Variants in KCNIP1 observed in about 807,000 individuals in gnomAD.
KCNIP1 encodes A-type potassium channel modulatory protein KCNIP1.
In KCNIP1, 18 loss-of-function variants were observed where a neutral mutation model predicts 33.0. The ratio of observed to expected loss-of-function variants is 0.55; its 90% confidence interval spans 0.38 to 0.81. The LOEUF (loss-of-function observed/expected upper bound fraction) is 0.81, where lower values mean the gene tolerates loss of function less well. KCNIP1 is among the 30% of genes least tolerant of loss of function. The pLI is 0.00. For synonymous variants in KCNIP1, 93 were observed against 98.3 expected (o/e 0.95, Z 0.32); for missense variants, 238 against 271.6 (o/e 0.88, Z 0.87).
At chr5:170,509,913 C>G (rs984984442) in intron 1 of KCNIP1, among the ~76,000 whole-genome samples, 1 of 152,216 alleles carries the variant, frequency 6.6e-6, no homozygotes, top group African/African-American at 2.4e-5. Flanking sequence ...AGTGATTCCC[C>G]TTGTCTTCCC....
chr5:170,456,351 C>T (rs996609778), intron 1 of KCNIP1, among the ~76,000 whole-genome samples: 1 of 151,958 alleles, frequency 6.6e-6, no homozygotes, highest in African/African-American at 2.4e-5. Flanking sequence ...GGACAAATAC[C>T]TCATGCATAT....
chr5:170,410,813 T>C (rs1214765411), intron 1 of KCNIP1, among the ~76,000 whole-genome samples: 1 of 151,830 alleles, frequency 6.6e-6, no homozygotes, highest in Non-Finnish European at 1.5e-5. Context: ...GTCAGAAGAG[T>C]TGTGAGGTTG....
chr5:170,527,604 T>G (rs1229528779), intron 1 of KCNIP1, among the ~76,000 whole-genome samples: 1 of 151,698 alleles, frequency 6.6e-6, no homozygotes, highest in Non-Finnish European at 1.5e-5. Context: ...ACATTGGCCT[T>G]TTAAGCTAGT....
intron 1 of KCNIP1, among the ~76,000 whole-genome samples, chr5:170,605,557 C>G (rs941295197): frequency 6.6e-6 from 1 of 152,148 alleles, no homozygotes; most frequent in Non-Finnish European, 1.5e-5. Flanking sequence ...AGATGGAAGC[C>G]CCGTATTCAC....
intron 1 of KCNIP1, among the ~76,000 whole-genome samples, chr5:170,648,678 A>G (rs1760890794): frequency 6.6e-6 from 1 of 152,234 alleles, no homozygotes. Context: ...TGCTACTACA[A>G]TGGTAGACAT....
chr5:170,689,640 G>A (rs951103205), intron 1 of KCNIP1, among the ~76,000 whole-genome samples: 2 of 152,194 alleles, frequency 1.3e-5, no homozygotes, highest in Non-Finnish European at 2.9e-5. Flanking sequence ...ATGTATAGCA[G>A]CTATAGAGGC....
chr5:170,691,268 G>T (rs1437451079), intron 1 of KCNIP1, among the ~76,000 whole-genome samples: 1 of 152,172 alleles, frequency 6.6e-6, no homozygotes, highest in Non-Finnish European at 1.5e-5. Context: ...TCCCATAGCT[G>T]CCACAGGCTA....
intron 1 of KCNIP1, among the ~76,000 whole-genome samples, chr5:170,616,963 C>T (rs1561719976): frequency 6.6e-6 from 1 of 152,024 alleles, no homozygotes; most frequent in Non-Finnish European, 1.5e-5. Flanking sequence ...TTTCCCTGTT[C>T]ATCACCCCAG....
At chr5:170,587,670 A>G (rs1758052294) in intron 1 of KCNIP1, among the ~76,000 whole-genome samples, 1 of 152,166 alleles carries the variant, frequency 6.6e-6, no homozygotes, top group Admixed American at 6.5e-5. Context: ...CTGTCATCAC[A>G]TGGCCTTCCT....
intron 2 of KCNIP1, among the ~76,000 whole-genome samples, chr5:170,719,789 A>G (rs1763755748): frequency 6.6e-6 from 1 of 152,168 alleles, no homozygotes; most frequent in Non-Finnish European, 1.5e-5. Context: ...TCCTACCATT[A>G]GGGCTTCTTT....
At chr5:170,509,526 G>A (rs1413692802) in intron 1 of KCNIP1, among the ~76,000 whole-genome samples, 2 of 144,280 alleles carry the variant, frequency 1.4e-5, no homozygotes, top group African/African-American at 5.9e-5. Flanking sequence ...GAATAAGTGA[G>A]CATATGCTTT....
chr5:170,672,372 T>A (rs936894456), intron 1 of KCNIP1, among the ~76,000 whole-genome samples: 1 of 152,178 alleles, frequency 6.6e-6, no homozygotes, highest in Middle Eastern at 3.2e-3. Context: ...AGAAAAGAGA[T>A]GTCCATATTT....
chr5:170,572,555 C>A (rs1224084157), intron 1 of KCNIP1, among the ~76,000 whole-genome samples: 1 of 152,216 alleles, frequency 6.6e-6, no homozygotes, highest in Non-Finnish European at 1.5e-5. Flanking sequence ...GTGCAGAAAT[C>A]ACTCGCACAT....
At chr5:170,409,569 T>A (rs550826451) in intron 1 of KCNIP1, among the ~76,000 whole-genome samples, 116 of 152,280 alleles carry the variant, frequency 7.6e-4, no homozygotes, top group African/African-American at 2.7e-3. Flanking sequence ...TGGGTTCCAA[T>A]CCACCCCTGC....
intron 1 of KCNIP1, among the ~76,000 whole-genome samples, chr5:170,511,918 G>A (rs962819056): frequency 2.6e-5 from 4 of 152,158 alleles, no homozygotes; most frequent in African/African-American, 9.7e-5. Context: ...CATGGATGTT[G>A]GGGAGAAGGC....
At chr5:170,647,324 A>C (rs56190424) in intron 1 of KCNIP1, among the ~76,000 whole-genome samples, 23 of 152,336 alleles carry the variant, frequency 1.5e-4, no homozygotes, top group Non-Finnish European at 2.9e-4. Flanking sequence ...TCAATTTAAT[A>C]CTGAAGAAGA....
chr5:170,708,346 A>AT (rs1763329824), intron 1 of KCNIP1, among the ~76,000 whole-genome samples: 2 of 152,240 alleles, frequency 1.3e-5, no homozygotes. Context: ...TGTAGTCAAT[A>AT]TAGTTCAGGC....
chr5:170,445,206 C>A (rs945714969), intron 1 of KCNIP1, among the ~76,000 whole-genome samples: 2 of 152,214 alleles, frequency 1.3e-5, no homozygotes, highest in Non-Finnish European at 2.9e-5. Context: ...TGAGCACCTA[C>A]ACATCCGGTA....
At chr5:170,389,480 A>G (rs1764626028) in intron 1 of KCNIP1, 1 of 152,238 alleles carries the variant, frequency 6.6e-6, no homozygotes, top group Non-Finnish European at 1.5e-5. Flanking sequence ...GAGAGCAGGT[A>G]CCCAGCCCTG....
Sources: gnomAD v4.1 joint callset for allele counts (sites outside exome capture counted in the v4.1 genomes callset) on GRCh38, gnomAD v4.1.1 for gene constraint, MANE v1.5 for transcripts, NCBI Gene and HGNC (gene_info 2026-07-23, HGNC 2026-07-21) for gene names.